LILRB5: variants seen among roughly 807,000 people sequenced by gnomAD.
The protein encoded by LILRB5 is leukocyte immunoglobulin like receptor B5.
In LILRB5, 61 loss-of-function variants were observed where a neutral mutation model predicts 68.4. The ratio of observed to expected loss-of-function variants is 0.89; its 90% CI spans 0.73 to 1.10. LILRB5 has a LOEUF of 1.10. LILRB5 is among the 50% of genes least tolerant of loss of function. The pLI is 0.00. For missense variants in LILRB5, 771 were observed against 751.6 expected (o/e 1.03, Z -0.30); for synonymous variants, 356 against 315.8 (o/e 1.13, Z -1.35).
intron 11 of LILRB5, 92 bp from the exon 12 acceptor site, chr19:54,252,198 C>G: frequency 1.3e-6 from 2 of 1,516,118 alleles, no homozygotes; most frequent in Non-Finnish European, 9.1e-7. Flanking sequence ...ACTAGGGTGG[C>G]TGAGATCCAG....
intron 7 of LILRB5, 127 bp downstream of exon 7, chr19:54,254,238 C>T: frequency 6.9e-7 from 1 of 1,447,210 alleles, no homozygotes; most frequent in African/African-American, 1.4e-5. Context: ...CCTCCTCTGG[C>T]TCTGCCCAGC....
At chr19:54,253,111 T>C (rs1056416149) in intron 8 of LILRB5, 124 bp from the exon 9 acceptor site, 2 of 412,870 alleles carry the variant, frequency 4.8e-6, no homozygotes, top group African/African-American at 4.2e-5. Context: ...CAACATGGGA[T>C]TGCCAACCCC....
intron 2 of LILRB5, 29 bp downstream of exon 2, chr19:54,256,932 G>T: frequency 6.2e-7 from 1 of 1,614,148 alleles, no homozygotes; most frequent in Non-Finnish European, 8.5e-7. Context: ...TGAGAAGAAG[G>T]GACCTGGGAC....
intron 4 of LILRB5, 22 bp downstream of exon 4, chr19:54,256,021 A>G: frequency 6.6e-7 from 1 of 1,516,480 alleles, no homozygotes; most frequent in Non-Finnish European, 8.8e-7. Context: ...AATTATATAA[A>G]GAAGTGTGGT....
chr19:54,255,832 C>G, intron 4 of LILRB5: 1 of 648,830 alleles, frequency 1.5e-6, no homozygotes. Context: ...GCAAATACAC[C>G]CATTGCCTTC....
At position 54,257,150 on chromosome 19, in the gene LILRB5, C is replaced by T; in HGVS notation, c.34+10G>A. The T allele has an allele frequency of 6.2e-7, 1 of 1,614,234 alleles. No individual in the cohort carries two copies. Among genetic ancestry groups the T allele is most frequent in the Non-Finnish European group, 8.5e-7 (1 of 1,180,024 alleles). On this transcript the variant is annotated intron_variant, in intron 1 of 12. Transcript: ENST00000449561. ...GACGGGGACCTTCCTTCCCCCTCTT[C>T]AAACCTCACCGAGGCAAATCAGGAC...
rs776571811 is a variant in LILRB5, at chr19:54,256,165, G to T, written c.533C>A (p.Ala178Asp). The stretch of plus-strand genomic sequence containing the variant: ...GGTCACGGGACCCACAGGGAACAGG[G>T]CCTGGGATGGCCCTTTGGGGAGCTT... ...SQKLPKGPSQALFPVGPVTPS... is the reference protein window; with the variant it reads ...SQKLPKGPSQDLFPVGPVTPS... Residue 178 changes from alanine to aspartate, a missense_variant, in exon 4 of 13, where the codon GCC (alanine) becomes GAC (aspartate). Ala to Asp is a moderately radical substitution (Grantham distance 126). Coordinates refer to ENST00000449561, the MANE Select transcript of LILRB5 (RefSeq NM_001081442.3). The T allele has an allele frequency of 6.2e-7, 1 of 1,613,924 alleles. No homozygotes were observed. The highest frequency in any genetic ancestry group is 2.2e-5 in the East Asian group (1 of 44,860).
Position 54,252,384 on chromosome 19 carries a change from T to G in LILRB5, c.1558A>C (p.Ile520Leu). The G allele has an allele frequency of 1.2e-6, 2 of 1,614,106 alleles. No homozygotes were observed. Among genetic ancestry groups the G allele is most frequent in the South Asian group, 1.1e-5 (1 of 91,072 alleles). The change falls in exon 11 of 13, where the codon ATC (isoleucine) becomes CTC (leucine). Residue 520 changes from isoleucine to leucine, a missense_variant. Coordinates refer to ENST00000449561, the MANE Select transcript of LILRB5 (RefSeq NM_001081442.3). ...CACTCACTGAGAATTTCCTCCTGGA[T>G]GTCAGCAACTGGGCTGGCCCTGGGG... ...LQKRASPVAD[I>L]QEEILNAAVK...
rs1478196957 is a variant in LILRB5, at chr19:54,255,570, T to C, written c.668A>G (p.Lys223Arg). 3 of 1,613,154 alleles carry C rather than the reference T, an allele frequency of 1.9e-6. No individual in the cohort carries two copies. Among genetic ancestry groups the C allele is most frequent in the South Asian group, 1.1e-5 (1 of 91,064 alleles). Residue 223 changes from lysine (K) to arginine (R), a missense_variant, in exon 5 of 13, where the codon AAG (lysine) becomes AGG (arginine). Physicochemically the swap from Lys to Arg is conservative, Grantham distance 26 (BLOSUM62 2). Transcript: ENST00000449561. Reference sequence around the variant, plus strand: ...GCCCTGCGGGATCAGGAGGGAGGGCTTCCTAGACACGCCTGGAGGGAAAGA... The same window carrying C: ...GCCCTGCGGGATCAGGAGGGAGGGCCTCCTAGACACGCCTGGAGGGAAAGA... The part of the protein sequence containing the change: ...LEILVPGVSR[K>R]PSLLIPQGSV...
chr19:54,251,039 G>A (rs757553027), intron 12 of LILRB5, 107 bp from the exon 13 acceptor site: 168 of 1,604,496 alleles, frequency 1.0e-4, no homozygotes, highest in Middle Eastern at 2.2e-4. Context: ...GTCCTCTTCT[G>A]CCTGTCTGTC....
rs533872051 is a variant in LILRB5, at chr19:54,251,619, T to C, written c.1629+435A>G. On this transcript the variant is annotated intron_variant, in intron 12 of 12. Transcript: ENST00000449561. ...CACTCCTGGACACGATGCATTTATT[T>C]GCATTTTGTCTCCCACCATGAGGTG... is the stretch of plus-strand genomic sequence containing the variant. The C allele has an allele frequency of 4.1e-4, 237 of 581,476 alleles. 4 individuals carry two copies. In the East Asian group the frequency reaches 9.2e-3, roughly 23 times the overall value. 36.0% of individuals were successfully genotyped at this position (581,476 alleles called of 1,614,324 possible). A position where few individuals can be genotyped will look rare whatever the true frequency, so the allele number is the denominator to read the frequency against.
chr19:54,252,787 C>A, intron 9 of LILRB5, 84 bp downstream of exon 9: 1 of 1,334,110 alleles, frequency 7.5e-7, no homozygotes, highest in South Asian at 1.3e-5. Flanking sequence ...TCTAAGCTGA[C>A]TTTCCTTTGT....
rs368268648 is a variant in LILRB5, at chr19:54,257,227, C to T, written c.-34G>A. 1.0e-4 allele frequency: 163 copies of T among 1,614,050 alleles called. 2 individuals are homozygous for T. Among genetic ancestry groups the T allele is most frequent in the South Asian group, 9.2e-4 (84 of 91,076 alleles). On this transcript the variant is annotated 5_prime_UTR_variant, in exon 1 of 13. Coordinates refer to ENST00000449561, the MANE Select transcript of LILRB5 (RefSeq NM_001081442.3). ...CTCCCACTGGACTCAGCTGTGCAGG[C>T]GGATGAGACCACGGTGCCTGGCAGG... is the stretch of plus-strand genomic sequence containing the variant.
Position 54,256,048 on chromosome 19 carries a change from A to T in LILRB5, c.650T>A (p.Val217Asp). 1.3e-6 allele frequency: 2 copies of T among 1,537,634 alleles called. No individual in the cohort carries two copies. The highest frequency in any genetic ancestry group is 1.7e-6 in the Non-Finnish European group (2 of 1,145,406). ...SNPSDLLEIL[V>D]PGVSRKPSLL... The stretch of plus-strand genomic sequence containing the variant: ...AAGTGTGGTGGCTTTTTCACCTGGG[A>T]CCAGAATCTCCAGGAGGTCACTGGG... The change falls in exon 4 of 13, where the codon GTC becomes GAC. Residue 217 changes from valine to aspartate, a missense_variant. Val to Asp is a radical substitution (Grantham distance 152, BLOSUM62 -3). Transcript: ENST00000449561.
chr19:54,254,525 C>T (rs748591687), intron 6 of LILRB5, 110 bp from the exon 7 acceptor site: 10 of 1,364,546 alleles, frequency 7.3e-6, no homozygotes, highest in Middle Eastern at 3.6e-4. Flanking sequence ...CACCTTTCAC[C>T]ATTTGCATCC....
Position 54,254,443 on chromosome 19 carries a change from G to GGC in LILRB5, c.1256-30_1256-29dup, listed in dbSNP as rs375786834. ...GGGAATAAGCACAGAAAGGGAGCGA[G>GGC]GCGCTTTGGTGCTGAGTGAGGAAAC... On this transcript the variant is annotated intron_variant, in intron 6 of 12. Transcript: ENST00000449561. The GGC allele has an allele frequency of 3.3e-5, 51 of 1,564,864 alleles. No individual in the cohort carries two copies. The African/African-American group carries it at 5.7e-4, about 17-fold the overall frequency.
chr19:54,251,247 G>A (rs1450182445), intron 12 of LILRB5: 1 of 1,080,260 alleles, frequency 9.3e-7, no homozygotes, highest in South Asian at 1.5e-5. Flanking sequence ...TGTTCCCGGG[G>A]TGATCCGATT....
chr19:54,254,302 A>G, intron 7 of LILRB5, 63 bp downstream of exon 7: 2 of 1,524,114 alleles, frequency 1.3e-6, no homozygotes, highest in Admixed American at 4.1e-5. Context: ...ATCCTCGGGG[A>G]GACTCAGGGC....
Position 54,254,963 on chromosome 19 carries a change from G to T in LILRB5, c.1027C>A (p.Leu343Met), listed in dbSNP as rs547254427. Residue 343 changes from leucine (L) to methionine (M), a missense_variant, in exon 6 of 13, where the codon CTG becomes ATG. By Grantham distance (15) the Leu-to-Met change is conservative. Coordinates refer to ENST00000449561, the MANE Select transcript of LILRB5 (RefSeq NM_001081442.3). ...TCTATCTGATGCCATGACTGACACA[G>T]CAGGGTCACGTTCTCTCCTGAGGCC... Reference protein sequence around the residue: ...KVASGENVTLLCQSWHQIDTF... With the variant: ...KVASGENVTLMCQSWHQIDTF... 1.9e-6 allele frequency: 3 copies of T among 1,614,002 alleles called. No individual in the cohort carries two copies. The African/African-American group carries it at 4.0e-5, about 22-fold the overall frequency.
Sources: gnomAD v4.1 joint callset for allele counts on GRCh38, gnomAD v4.1.1 for gene constraint, MANE v1.5 for transcripts, NCBI Gene and HGNC (gene_info 2026-07-23, HGNC 2026-07-21) for gene names.